The following FEZ1 variants were observed in gnomAD, a reference collection of about 807,000 sequenced individuals.
FEZ1 encodes the protein fasciculation and elongation protein zeta-1.
FEZ1 carries 20 observed loss-of-function variants against 49.3 expected under a neutral mutation model. The ratio of observed to expected loss-of-function variants is 0.41; its 90% confidence interval spans 0.29 to 0.59. FEZ1 has a LOEUF of 0.59. Ranked by LOEUF, FEZ1 falls within the 20% of genes least tolerant of loss-of-function variation. The pLI, the probability that FEZ1 is intolerant of heterozygous loss-of-function variation, is 0.36. For missense variants in FEZ1, 413 were observed against 476.0 expected (o/e 0.87, Z 1.23); for synonymous variants, 170 against 180.9 (o/e 0.94, Z 0.48).
chr11:125,472,100 A>G (rs1957189201), intron 3 of FEZ1, among the ~76,000 whole-genome samples: 1 of 152,114 alleles, frequency 6.6e-6, no homozygotes, highest in Non-Finnish European at 1.5e-5. Flanking sequence ...AATATGTAGA[A>G]TTCAGCTAAA....
chr11:125,453,499 T>C (rs1181976634), intron 7 of FEZ1: 1 of 152,172 alleles, frequency 6.6e-6, no homozygotes, highest in Non-Finnish European at 1.5e-5. Flanking sequence ...CATTCCACCA[T>C]CTCAAACTTT....
rs1053754016 is a variant in FEZ1, at chr11:125,475,730, TAAAATA to T, written c.411+5798_411+5803del. Among the ~76,000 whole-genome samples the T allele has an allele frequency of 5.3e-5, 8 of 151,828 alleles. No homozygotes were observed. The East Asian group carries it at 1.5e-3, about 29-fold the overall frequency. On this transcript the variant is annotated intron_variant, in intron 3 of 9. Transcript: ENST00000278919. ...AAACCTGCACATGTACCCCTGAACT[TAAAATA>T]AAAGCTAAAAAAAAAAAGTTGAACA...
At chr11:125,473,621 C>A (rs565599230) in intron 3 of FEZ1, among the ~76,000 whole-genome samples, 7 of 152,202 alleles carry the variant, frequency 4.6e-5, no homozygotes, top group Admixed American at 4.6e-4. Context: ...GAGTTCAAGA[C>A]CAGTCTGGCC....
chr11:125,488,352 C>T (rs985516065), intron 2 of FEZ1, among the ~76,000 whole-genome samples: 2 of 152,194 alleles, frequency 1.3e-5, no homozygotes, highest in East Asian at 3.8e-4. Context: ...GTACTAGCAG[C>T]GGTTTCAGGC....
chr11:125,460,258 T>G (rs1957061107), intron 5 of FEZ1: 1 of 413,102 alleles, frequency 2.4e-6, no homozygotes, highest in Non-Finnish European at 4.3e-6. Context: ...TATTCTGCCT[T>G]AGTCTTGTTC....
intron 3 of FEZ1, among the ~76,000 whole-genome samples, chr11:125,480,236 C>T (rs1957266987): frequency 6.6e-6 from 1 of 151,996 alleles, no homozygotes. Context: ...ATTAGCCGGG[C>T]ATGGTGGCGT....
At chr11:125,457,769 CACAA>C (rs1565533846) in intron 5 of FEZ1, among the ~76,000 whole-genome samples, 1 of 151,908 alleles carries the variant, frequency 6.6e-6, no homozygotes, top group African/African-American at 2.4e-5. Flanking sequence ...TCCTTTATGT[CACAA>C]ACAATCCAAT....
intron 2 of FEZ1, chr11:125,488,873 G>T: frequency 2.0e-6 from 2 of 985,290 alleles, no homozygotes; most frequent in African/African-American, 1.7e-5. Context: ...ACCCTAGAAA[G>T]TAGCGAGCAA....
chr11:125,490,710 TAA>T (rs544139616), intron 1 of FEZ1, among the ~76,000 whole-genome samples: 2 of 151,632 alleles, frequency 1.3e-5, no homozygotes, highest in Admixed American at 6.6e-5. Context: ...TTTATTTTTT[TAA>T]AAAAACTAAT....
chr11:125,478,695 C>T (rs1957254191), intron 3 of FEZ1, among the ~76,000 whole-genome samples: 1 of 152,196 alleles, frequency 6.6e-6, no homozygotes, highest in African/African-American at 2.4e-5. Context: ...ACTTTTGCTA[C>T]CCTGTCCTTT....
At position 125,479,058 on chromosome 11, in the gene FEZ1, G is replaced by A. The variant is rs146085490; in HGVS notation, c.411+2476C>T. Reference sequence around the variant, plus strand: ...GCATTACAAGAGAACATGCACAGCCGAGAGTTCAAAACAGGACCTGAGACA... The same window carrying A: ...GCATTACAAGAGAACATGCACAGCCAAGAGTTCAAAACAGGACCTGAGACA... On this transcript the variant is annotated intron_variant, in intron 3 of 9. Transcript: ENST00000278919. 4.6e-3 allele frequency among the ~76,000 whole-genome samples: 693 copies of A among 152,272 alleles called. 2 individuals carry two copies. Among genetic ancestry groups the A allele is most frequent in the Middle Eastern group, 0.031 (9 of 294 alleles).
At chr11:125,457,429 A>AAAAAAAAAT (rs1164500309) in intron 5 of FEZ1, among the ~76,000 whole-genome samples, 2 of 20,916 alleles carry the variant, frequency 9.6e-5, no homozygotes, top group Non-Finnish European at 1.6e-4. Context: ...AAAAAAAAAA[A>AAAAAAAAAT]ATATATATAT....
chr11:125,489,407 A>T lies in FEZ1; in HGVS notation c.311+60T>A. 2 of 1,535,542 alleles carry T rather than the reference A, an allele frequency of 1.3e-6. No individual in the cohort carries two copies. The highest frequency in any genetic ancestry group is 1.7e-6 in the Non-Finnish European group (2 of 1,145,382). On this transcript the variant is annotated intron_variant, in intron 2 of 9. Transcript: ENST00000278919. The surrounding 1 kb of genome is among the most constrained non-coding windows in gnomAD (Gnocchi z 4.2). Reference sequence around the variant, plus strand: ...ATAGACAGAAACCAGCACTATGTCAAGGAGACAAGGACTACAGGGCTCTCG... The same window carrying T: ...ATAGACAGAAACCAGCACTATGTCATGGAGACAAGGACTACAGGGCTCTCG...
intron 3 of FEZ1, among the ~76,000 whole-genome samples, chr11:125,476,286 G>A (rs1301019294): frequency 1.3e-5 from 2 of 152,114 alleles, no homozygotes; most frequent in African/African-American, 2.4e-5. Context: ...TTTCAATTAC[G>A]ATATGGGGGG....
At chr11:125,454,047 G>T in intron 7 of FEZ1, 83 bp downstream of exon 7, 1 of 812,810 alleles carries the variant, frequency 1.2e-6, no homozygotes, top group Non-Finnish European at 2.0e-6. Flanking sequence ...TAATTCTGGT[G>T]AGTCACTGTC....
chr11:125,449,766 CA>C (rs1487942518), intron 8 of FEZ1, among the ~76,000 whole-genome samples: 1 of 152,130 alleles, frequency 6.6e-6, no homozygotes, highest in Non-Finnish European at 1.5e-5. Context: ...GTGGGATTGC[CA>C]CTTCATTTCG....
chr11:125,463,510 C>G lies in FEZ1; in HGVS notation c.472G>C (p.Glu158Gln). ...EKSENDSGIN[E>Q]EPLLTADQVI... ...TGATCTGCTGTGAGCAGAGGCTCCTCGTTGATACCGGAATCATTTTCACTC... is the reference window on the plus strand; with the variant it reads ...TGATCTGCTGTGAGCAGAGGCTCCTGGTTGATACCGGAATCATTTTCACTC... The change falls in exon 4 of 10, where the codon GAG becomes CAG. Residue 158 changes from glutamate to glutamine, a missense_variant. By Grantham distance (29) the Glu-to-Gln change is conservative. Coordinates refer to ENST00000278919, the MANE Select transcript of FEZ1 (RefSeq NM_005103.5). 1.2e-6 allele frequency: 2 copies of G among 1,609,200 alleles called. No homozygotes were observed. Among genetic ancestry groups the G allele is most frequent in the Non-Finnish European group, 1.7e-6 (2 of 1,175,608 alleles).
In FEZ1 at chr11:125,443,481, G is replaced by C. The variant is rs1026964348; in HGVS notation, c.*2614C>G. Among the ~76,000 whole-genome samples the C allele has an allele frequency of 2.0e-5, 3 of 152,176 alleles. No homozygotes were observed. The highest frequency in any genetic ancestry group is 2.0e-4 in the Admixed American group (3 of 15,278). On this transcript the variant is annotated 3_prime_UTR_variant, in exon 10 of 10. Coordinates refer to ENST00000278919, the MANE Select transcript of FEZ1 (RefSeq NM_005103.5). ...GTTGCAGGGAGATTTAGCTTAATAC[G>C]TAGTAGAGCTGCATTTGAACTCAAG... is the stretch of plus-strand genomic sequence containing the variant.
In FEZ1 at chr11:125,489,401, A is replaced by G; in HGVS notation, c.311+66T>C. On this transcript the variant is annotated intron_variant, in intron 2 of 9. Coordinates refer to ENST00000278919, the MANE Select transcript of FEZ1 (RefSeq NM_005103.5). This position sits in a 1 kb window ranked among gnomAD's most constrained non-coding sequence, Gnocchi z 4.2. ...AAACCTATAGACAGAAACCAGCACT[A>G]TGTCAAGGAGACAAGGACTACAGGG... The G allele has an allele frequency of 2.0e-6, 3 of 1,532,078 alleles. No homozygotes were observed. The highest frequency in any genetic ancestry group is 2.6e-6 in the Non-Finnish European group (3 of 1,143,722). The allele number at this position is 1,532,078 out of a possible 1,614,324, so 94.9% of individuals were successfully genotyped here. A position where few individuals can be genotyped will look rare whatever the true frequency, so the allele number is the denominator to read the frequency against.
Sources: gnomAD v4.1 joint callset for allele counts (sites outside exome capture counted in the v4.1 genomes callset) on GRCh38, gnomAD v4.1.1 for gene constraint, Gnocchi (gnomAD v3.1) non-coding constraint, MANE v1.5 for transcripts, NCBI Gene and HGNC (gene_info 2026-07-23, HGNC 2026-07-21) for gene names.